The following RABGAP1L variants were observed in gnomAD, a reference collection of about 807,000 sequenced individuals.
RABGAP1L encodes rab GTPase-activating protein 1-like.
Under a neutral mutation model 137.7 loss-of-function variants are expected in RABGAP1L, and 63 were observed. The observed-to-expected ratio is 0.46, with a 90% CI of 0.37 to 0.56. RABGAP1L has a LOEUF of 0.56. Among genes scored for constraint, RABGAP1L ranks in the 20% least tolerant of loss-of-function variants. The pLI, the probability that RABGAP1L is intolerant of heterozygous loss-of-function variation, is 0.00. For missense variants in RABGAP1L, 1,095 were observed against 1,244.0 expected, an observed-to-expected ratio of 0.88 and a Z score of 1.80; for synonymous variants, 431 against 433.7, an observed-to-expected ratio of 0.99 and a Z score of 0.08.
intron 13 of RABGAP1L, among the ~76,000 whole-genome samples, chr1:174,614,414 C>T (rs1671587891): frequency 6.6e-6 from 1 of 152,224 alleles, no homozygotes; most frequent in South Asian, 2.1e-4. Flanking sequence ...CCCCCACTCT[C>T]TTCTGGCTTG....
chr1:174,252,742 G>T (rs1213874386), intron 7 of RABGAP1L, 152 bp downstream of exon 7: 2 of 1,235,354 alleles, frequency 1.6e-6, no homozygotes, highest in Non-Finnish European at 2.1e-6. Context: ...TAACTTAGAT[G>T]TAACTGGTTT....
chr1:174,442,446 G>A (rs1256224707), intron 13 of RABGAP1L, among the ~76,000 whole-genome samples: 1 of 151,992 alleles, frequency 6.6e-6, no homozygotes, highest in Non-Finnish European at 1.5e-5. Context: ...TACACTTTCT[G>A]TTCTATATTC....
chr1:174,180,396 A>C (rs544774452), intron 1 of RABGAP1L, among the ~76,000 whole-genome samples: 1 of 152,242 alleles, frequency 6.6e-6, no homozygotes, highest in Admixed American at 6.5e-5. Context: ...GCATGTAATC[A>C]TGACAATTGG....
intron 17 of RABGAP1L, among the ~76,000 whole-genome samples, chr1:174,719,625 A>G (rs1344371303): frequency 6.6e-6 from 1 of 152,238 alleles, no homozygotes; most frequent in South Asian, 2.1e-4. Context: ...CACAAAAATG[A>G]GTGAAATGTG....
intron 10 of RABGAP1L, among the ~76,000 whole-genome samples, chr1:174,285,520 GTTT>G (rs371710435): frequency 1.4e-5 from 2 of 140,888 alleles, no homozygotes; most frequent in Non-Finnish European, 1.6e-5. Context: ...TGTTCTAACC[GTTT>G]TTTTTTTTTT....
chr1:174,501,545 T>C (rs973626901), intron 13 of RABGAP1L, among the ~76,000 whole-genome samples: 2 of 152,184 alleles, frequency 1.3e-5, no homozygotes, highest in Non-Finnish European at 2.9e-5. Flanking sequence ...GTAAAATCTC[T>C]TAGTTGCATC....
chr1:174,888,690 G>C (rs1655591839), intron 19 of RABGAP1L, among the ~76,000 whole-genome samples: 1 of 151,932 alleles, frequency 6.6e-6, no homozygotes, highest in African/African-American at 2.4e-5. Context: ...TAGAGATGAG[G>C]TTTCCCCATG....
At chr1:174,517,487 T>C (rs1486074132) in intron 13 of RABGAP1L, among the ~76,000 whole-genome samples, 1 of 152,166 alleles carries the variant, frequency 6.6e-6, no homozygotes, top group Non-Finnish European at 1.5e-5. Context: ...ACTGCAGTTC[T>C]AGGGGGGCTA....
intron 13 of RABGAP1L, among the ~76,000 whole-genome samples, chr1:174,573,225 A>T (rs1230184821): frequency 6.9e-6 from 1 of 144,012 alleles, no homozygotes; most frequent in Non-Finnish European, 1.5e-5. Flanking sequence ...TATACACACT[A>T]TATATGTTTA....
intron 19 of RABGAP1L, among the ~76,000 whole-genome samples, chr1:174,926,472 A>G (rs549658934): frequency 1.4e-4 from 22 of 152,252 alleles, no homozygotes; most frequent in African/African-American, 4.8e-4. Flanking sequence ...TAGAGGTTTT[A>G]TCATTAGATT....
intron 1 of RABGAP1L, among the ~76,000 whole-genome samples, chr1:174,182,118 T>C (rs749400019): frequency 6.6e-6 from 1 of 152,152 alleles, no homozygotes; most frequent in Non-Finnish European, 1.5e-5. Context: ...TATAACTGTG[T>C]CCTCCGTGGA....
intron 10 of RABGAP1L, among the ~76,000 whole-genome samples, chr1:174,302,042 A>G (rs1182311621): frequency 6.6e-6 from 1 of 152,214 alleles, no homozygotes; most frequent in African/African-American, 2.4e-5. Context: ...GTCAATATAA[A>G]GATCCAGGGA....
intron 23 of RABGAP1L, among the ~76,000 whole-genome samples, chr1:174,982,081 A>T (rs1472272522): frequency 6.6e-6 from 1 of 152,168 alleles, no homozygotes; most frequent in Non-Finnish European, 1.5e-5. Context: ...CCTACTTAAT[A>T]AGAGTTTTAG....
In RABGAP1L at chr1:174,971,925, G is replaced by A. The variant is rs78746107; in HGVS notation, c.2544+2538G>A. Among the ~76,000 whole-genome samples, 386 of 152,312 alleles carry A rather than the reference G, an allele frequency of 2.5e-3. 4 individuals carry two copies. Among genetic ancestry groups the A allele is most frequent in the African/African-American group, 8.7e-3 (362 of 41,564 alleles). Reference sequence around the variant, plus strand: ...CAAACAAACACTAATTAGGAAATTAGGTTCTTTGCAAAAATAAATCATTTC... The same window carrying A: ...CAAACAAACACTAATTAGGAAATTAAGTTCTTTGCAAAAATAAATCATTTC... On this transcript the variant is annotated intron_variant, in intron 21 of 25. Transcript: ENST00000681986.
intron 17 of RABGAP1L, among the ~76,000 whole-genome samples, chr1:174,724,765 TAA>T (rs1681853037): frequency 6.6e-6 from 1 of 152,204 alleles, no homozygotes; most frequent in African/African-American, 2.4e-5. Flanking sequence ...TATATTATAA[TAA>T]ATGTTATGAA....
intron 13 of RABGAP1L, among the ~76,000 whole-genome samples, chr1:174,492,057 A>G (rs1159705681): frequency 1.3e-5 from 2 of 151,674 alleles, no homozygotes; most frequent in Non-Finnish European, 2.9e-5. Context: ...TGCTTACCTG[A>G]TTTTTGGTTC....
At chr1:174,817,675 T>C (rs1049574113) in intron 19 of RABGAP1L, among the ~76,000 whole-genome samples, 1 of 152,164 alleles carries the variant, frequency 6.6e-6, no homozygotes, top group Admixed American at 6.5e-5. Context: ...ACATAAATTA[T>C]CAGGTTATTG....
At position 174,699,662 on chromosome 1, in the gene RABGAP1L, T is replaced by G; in HGVS notation, c.2025+12T>G. The G allele has an allele frequency of 6.3e-7, 1 of 1,588,954 alleles. No individual in the cohort carries two copies. Among genetic ancestry groups the G allele is most frequent in the African/African-American group, 1.4e-5 (1 of 74,058 alleles). ...AGAGACTAATGCAGGTAAATAAAAATTAGGAACTTTTATCACTCAGGGATT... is the reference window on the plus strand; with the variant it reads ...AGAGACTAATGCAGGTAAATAAAAAGTAGGAACTTTTATCACTCAGGGATT... On this transcript the variant is annotated intron_variant, in intron 16 of 25. Coordinates refer to ENST00000681986, the MANE Select transcript of RABGAP1L (RefSeq NM_001366446.1).
At chr1:174,720,974 A>T (rs756909683) in intron 17 of RABGAP1L, among the ~76,000 whole-genome samples, 16 of 152,232 alleles carry the variant, frequency 1.1e-4, no homozygotes, top group Non-Finnish European at 2.4e-4. Context: ...CTCATTAAAG[A>T]TAAAAATTCT....
Sources: gnomAD v4.1 joint callset for allele counts (sites outside exome capture counted in the v4.1 genomes callset) on GRCh38, gnomAD v4.1.1 for gene constraint, MANE v1.5 for transcripts, NCBI Gene and HGNC (gene_info 2026-07-23, HGNC 2026-07-21) for gene names.